CDH23: variants seen among roughly 807,000 people sequenced by gnomAD.
The protein encoded by CDH23 is cadherin-23.
In CDH23, 189 loss-of-function variants were observed where a neutral mutation model predicts 317.1. The observed-to-expected ratio is 0.60, with a 90% confidence interval of 0.53 to 0.67. The LOEUF (loss-of-function observed/expected upper bound fraction) is 0.67. Among genes scored for constraint, CDH23 ranks in the 30% least tolerant of loss-of-function variants. The pLI, the probability that CDH23 is intolerant of heterozygous loss-of-function variation, is 0.00. For synonymous variants in CDH23, 1,839 were observed against 1,876.8 expected, an observed-to-expected ratio of 0.98 and a Z score of 0.52; for missense variants, 4,401 against 4,592.4, an observed-to-expected ratio of 0.96 and a Z score of 1.20.
At chr10:71,533,910 A>G (rs996184979) in intron 6 of CDH23, among the ~76,000 whole-genome samples, 1 of 142,778 alleles carries the variant, frequency 7.0e-6, no homozygotes, top group Non-Finnish European at 1.5e-5. Context: ...CCTATTTCCC[A>G]GCATTATTTT....
chr10:71,574,119 A>C (rs1858000943), intron 8 of CDH23, among the ~76,000 whole-genome samples: 1 of 150,170 alleles, frequency 6.7e-6, no homozygotes, highest in Non-Finnish European at 1.5e-5. Context: ...CAGCACCCCC[A>C]TTCCCAGCCT....
chr10:71,435,495 G>A (rs999632651), intron 1 of CDH23, among the ~76,000 whole-genome samples: 2 of 152,214 alleles, frequency 1.3e-5, no homozygotes, highest in Non-Finnish European at 2.9e-5. Flanking sequence ...GAGGGCTTTG[G>A]GGACTGGCTA....
chr10:71,537,341 GTCAGGGA>G (rs1356274701), intron 6 of CDH23, among the ~76,000 whole-genome samples: 4 of 152,174 alleles, frequency 2.6e-5, no homozygotes, highest in African/African-American at 9.7e-5. Flanking sequence ...GACATGATCC[GTCAGGGA>G]TCTGACACGG....
chr10:71,725,992 C>T (rs999697349), intron 30 of CDH23, among the ~76,000 whole-genome samples: 9 of 151,390 alleles, frequency 5.9e-5, no homozygotes, highest in African/African-American at 2.2e-4. Context: ...CTAATATATT[C>T]CAGTCACCTC....
rs889241219 is a variant in CDH23 at position 71,510,176 on chromosome 10, G to A, written c.240G>A (p.Val80=). The change falls in exon 4 of 70, where the codon GTG becomes GTA. Residue 80 remains valine, a synonymous_variant. Coordinates refer to ENST00000224721, the MANE Select transcript of CDH23 (RefSeq NM_022124.6). The part of the protein sequence containing the change: ...SGEEASRFFA[V]EPDTGVVWLR... The stretch of plus-strand genomic sequence containing the variant: ...AGGAGGCCTCTCGCTTCTTTGCAGT[G>A]GAGCCTGACACTGGCGTGGTGTGGC... 1.2e-5 allele frequency: 19 copies of A among 1,613,844 alleles called. No individual in the cohort carries two copies. The highest frequency in any genetic ancestry group is 5.5e-5 in the South Asian group (5 of 91,084).
chr10:71,597,572 G>T (rs1337083188), intron 9 of CDH23, among the ~76,000 whole-genome samples: 2 of 151,986 alleles, frequency 1.3e-5, no homozygotes, highest in African/African-American at 4.8e-5. Context: ...TCCCAAGGAG[G>T]CTCCTTTCAG....
chr10:71,713,620 G>T, intron 28 of CDH23: 1 of 329,292 alleles, frequency 3.0e-6, no homozygotes, highest in South Asian at 3.3e-5. Context: ...GAGGATTTGC[G>T]AGAGTGTGGT....
chr10:71,653,297 T>G (rs1868008), intron 14 of CDH23, among the ~76,000 whole-genome samples: 137,922 of 152,288 alleles, frequency 0.91, 62,561 homozygotes, highest in East Asian at 1. Context: ...GCTGGCCGTG[T>G]TGAAGGCAAG....
At position 71,791,120 on chromosome 10, in the gene CDH23, A is replaced by G; in HGVS notation, c.6050-12A>G. On this transcript the variant is annotated splice_polypyrimidine_tract_variant and intron_variant, in intron 46 of 69. Coordinates refer to ENST00000224721, the MANE Select transcript of CDH23 (RefSeq NM_022124.6). Reference sequence around the variant, plus strand: ...TCTGTGTGTTTCCCTGGCTGGCGGCACCGGGTGCCAGGTGTGGTGACCGTG... The same window carrying G: ...TCTGTGTGTTTCCCTGGCTGGCGGCGCCGGGTGCCAGGTGTGGTGACCGTG... 1 of 1,595,990 alleles carries G rather than the reference A, an allele frequency of 6.3e-7. No individual in the cohort carries two copies.
chr10:71,760,036 CACATATATACACACACACAT>C (rs1277981447), intron 38 of CDH23, among the ~76,000 whole-genome samples: 1 of 113,142 alleles, frequency 8.8e-6, no homozygotes, highest in Non-Finnish European at 2.0e-5. Context: ...TACACACACA[CACATATATACACACACACAT>C]ATATATACAC....
chr10:71,800,783 TGAC>T, intron 53 of CDH23, 28 bp downstream of exon 53: 1 of 1,610,428 alleles, frequency 6.2e-7, no homozygotes, highest in East Asian at 2.2e-5. Context: ...GGGCCAGGGA[TGAC>T]AGGGACTGGG....
chr10:71,664,480 C>G (rs542294974), intron 14 of CDH23, among the ~76,000 whole-genome samples: 206 of 152,262 alleles, frequency 1.4e-3, no homozygotes, highest in African/African-American at 4.7e-3. Context: ...GCACCACTTC[C>G]GCTCCACCTC....
chr10:71,568,298 TG>T (rs1170934062), intron 7 of CDH23, among the ~76,000 whole-genome samples: 1 of 152,146 alleles, frequency 6.6e-6, no homozygotes, highest in Non-Finnish European at 1.5e-5. Flanking sequence ...CACATTTGCC[TG>T]CACCTTCCAT....
chr10:71,498,025 G>A (rs1190120709), intron 3 of CDH23, among the ~76,000 whole-genome samples: 1 of 152,118 alleles, frequency 6.6e-6, no homozygotes, highest in Non-Finnish European at 1.5e-5. Flanking sequence ...GGTTGGAGTG[G>A]GCACATGAAA....
At chr10:71,711,387 G>T (rs893597257) in intron 27 of CDH23, among the ~76,000 whole-genome samples, 1 of 152,190 alleles carries the variant, frequency 6.6e-6, no homozygotes, top group Non-Finnish European at 1.5e-5. Flanking sequence ...GCCTGGGGAA[G>T]AAGGATGGCG....
intron 1 of CDH23, among the ~76,000 whole-genome samples, chr10:71,424,795 A>G (rs1848980355): frequency 6.6e-6 from 1 of 152,240 alleles, no homozygotes; most frequent in African/African-American, 2.4e-5. Context: ...CTCCAGCTGC[A>G]CCACACTAGG....
intron 6 of CDH23, among the ~76,000 whole-genome samples, chr10:71,531,842 A>G (rs1855388724): frequency 6.6e-6 from 1 of 152,062 alleles, no homozygotes; most frequent in South Asian, 2.1e-4. Context: ...TCTTCTTTAT[A>G]CCTTTGGTCT....
intron 26 of CDH23, 92 bp from the exon 27 acceptor site, chr10:71,709,006 C>A: frequency 1.8e-6 from 2 of 1,133,182 alleles, no homozygotes; most frequent in Non-Finnish European, 2.6e-6. Flanking sequence ...CTGGACTCAC[C>A]ATCGCGGGTC....
intron 3 of CDH23, among the ~76,000 whole-genome samples, chr10:71,504,358 G>T (rs144519161): frequency 6.6e-6 from 1 of 152,262 alleles, no homozygotes; most frequent in East Asian, 1.9e-4. Flanking sequence ...TGTCCTCAGG[G>T]TTTATCCATA....
Sources: gnomAD v4.1 joint callset for allele counts (sites outside exome capture counted in the v4.1 genomes callset) on GRCh38, gnomAD v4.1.1 for gene constraint, MANE v1.5 for transcripts, NCBI Gene and HGNC (gene_info 2026-07-23, HGNC 2026-07-21) for gene names.